The following ARFGAP3 variants were observed in gnomAD, a reference collection of about 807,000 sequenced individuals.
ARFGAP3 encodes ADP-ribosylation factor GTPase-activating protein 3.
In ARFGAP3, 72 loss-of-function variants were observed where a neutral mutation model predicts 75.0. The ratio of observed to expected loss-of-function variants is 0.96; its 90% CI spans 0.79 to 1.17. ARFGAP3 has a LOEUF of 1.17. Ranked by LOEUF, ARFGAP3 falls within the 50% of genes most tolerant of loss-of-function variation. The probability of loss-of-function intolerance (pLI) is 0.00; values close to 1 mark genes in which losing one functional copy is unlikely to be tolerated. For synonymous variants in ARFGAP3, 221 were observed against 217.9 expected, an observed-to-expected ratio of 1.01 and a Z score of -0.13; for missense variants, 620 against 626.6, an observed-to-expected ratio of 0.99 and a Z score of 0.11.
chr22:42,798,752 A>G (rs1358220112), intron 15 of ARFGAP3, among the ~76,000 whole-genome samples: 1 of 152,236 alleles, frequency 6.6e-6, no homozygotes, highest in Non-Finnish European at 1.5e-5. Context: ...GGCATTACAG[A>G]TAATTTCAGT....
intron 3 of ARFGAP3, among the ~76,000 whole-genome samples, chr22:42,837,954 G>A (rs76712051): frequency 0.01 from 1,569 of 151,306 alleles, 10 homozygotes; most frequent in Non-Finnish European, 0.015. Flanking sequence ...TTACAGGTAG[G>A]AGCAACCATG....
intron 5 of ARFGAP3, among the ~76,000 whole-genome samples, chr22:42,833,971 T>C (rs567604173): frequency 2.0e-5 from 3 of 152,322 alleles, no homozygotes; most frequent in African/African-American, 7.2e-5. Flanking sequence ...TGCTTGTCTT[T>C]TTCTCTTAAT....
At chr22:42,855,374 T>A (rs1927450184) in intron 1 of ARFGAP3, among the ~76,000 whole-genome samples, 1 of 152,306 alleles carries the variant, frequency 6.6e-6, no homozygotes, top group African/African-American at 2.4e-5. Context: ...CCACTCTTTA[T>A]AAACACATCA....
At chr22:42,847,294 G>T in intron 2 of ARFGAP3, 1 of 424,902 alleles carries the variant, frequency 2.4e-6, no homozygotes, top group Non-Finnish European at 4.2e-6. Flanking sequence ...AGCCTCCTGA[G>T]TAACTAGGAC....
chr22:42,835,134 T>C (rs1602119124), intron 4 of ARFGAP3, among the ~76,000 whole-genome samples: 1 of 152,238 alleles, frequency 6.6e-6, no homozygotes, highest in South Asian at 2.1e-4. Context: ...CCAGAGCTTA[T>C]AGGAACCTAA....
intron 1 of ARFGAP3, among the ~76,000 whole-genome samples, chr22:42,851,776 A>G (rs954091882): frequency 4.6e-5 from 7 of 152,272 alleles, no homozygotes; most frequent in African/African-American, 1.4e-4. Flanking sequence ...GATGAGCAAG[A>G]AATAGCTTTT....
intron 11 of ARFGAP3, among the ~76,000 whole-genome samples, chr22:42,813,806 C>T (rs113001053): frequency 6.6e-6 from 1 of 152,324 alleles, no homozygotes; most frequent in African/African-American, 2.4e-5. Context: ...GTGAGTGGGA[C>T]GACTAACGGC....
chr22:42,826,400 G>A (rs964849307), intron 7 of ARFGAP3, among the ~76,000 whole-genome samples: 1 of 149,164 alleles, frequency 6.7e-6, no homozygotes. Flanking sequence ...TTTTTTTTGA[G>A]ACAAGGTATC....
chr22:42,807,460 T>C (rs1433745110), intron 13 of ARFGAP3, among the ~76,000 whole-genome samples: 1 of 152,172 alleles, frequency 6.6e-6, no homozygotes, highest in African/African-American at 2.4e-5. Context: ...GTGCTGCTTC[T>C]AGCCAGCTGT....
At chr22:42,857,078 A>C (rs1927538637) in intron 1 of ARFGAP3, 36 bp downstream of exon 1, 2 of 1,485,578 alleles carry the variant, frequency 1.3e-6, no homozygotes, top group African/African-American at 1.5e-5. Context: ...TCCCGCAGGG[A>C]TGCCAGGCAG....
intron 2 of ARFGAP3, among the ~76,000 whole-genome samples, chr22:42,842,233 G>A (rs1315135706): frequency 6.6e-6 from 1 of 150,636 alleles, no homozygotes; most frequent in Admixed American, 6.6e-5. Context: ...TCAAACTCCC[G>A]ACCTTAGGTG....
At chr22:42,821,306 T>C (rs530660091) in intron 9 of ARFGAP3, among the ~76,000 whole-genome samples, 7 of 152,246 alleles carry the variant, frequency 4.6e-5, no homozygotes, top group Admixed American at 6.5e-5. Context: ...TTCACAAAGC[T>C]GTGCCATCAT....
chr22:42,810,838 G>T lies in ARFGAP3; in HGVS notation c.1171C>A (p.Leu391Met). The change falls in exon 12 of 16, where the codon CTG (leucine) becomes ATG (methionine). Residue 391 changes from leucine to methionine, a missense_variant. Leu to Met is a conservative substitution (Grantham distance 15, BLOSUM62 2). Transcript: ENST00000263245. ...CTGTCTGAATAGCCTGTGGTTTTCA[G>T]AACTGTTTCAGTATCTTTGCTGGTC... Reference protein sequence around the residue: ...KETSKDTETVLKTTGYSDRPT... With the variant: ...KETSKDTETVMKTTGYSDRPT... 6.2e-7 allele frequency: 1 copy of T among 1,614,170 alleles called. No homozygotes were observed. Among genetic ancestry groups the T allele is most frequent in the East Asian group, 2.2e-5 (1 of 44,890 alleles).
chr22:42,857,251 C>G lies in ARFGAP3; in HGVS notation c.-69G>C. 6.7e-7 allele frequency: 1 copy of G among 1,483,676 alleles called. No individual in the cohort carries two copies. The allele number at this position is 1,483,676 out of a possible 1,614,324, so 91.9% of individuals were successfully genotyped here. On this transcript the variant is annotated 5_prime_UTR_variant, in exon 1 of 16. Transcript: ENST00000263245. ...AGAGTCGACGAAAAGCGGCTACCGC[C>G]TCAGCAGGAGCGACGAGGCCGCGGG...
intron 11 of ARFGAP3, among the ~76,000 whole-genome samples, 187 bp downstream of exon 11, chr22:42,816,955 C>T (rs1348974174): frequency 1.3e-5 from 2 of 152,166 alleles, no homozygotes; most frequent in Admixed American, 6.5e-5. Flanking sequence ...TAATATTAGC[C>T]AACGTTGTTC....
chr22:42,813,947 AC>A (rs1175011372), intron 11 of ARFGAP3, among the ~76,000 whole-genome samples: 1 of 152,122 alleles, frequency 6.6e-6, no homozygotes, highest in African/African-American at 2.4e-5. Context: ...CTCTGTCTTT[AC>A]CCAATCTTGA....
In ARFGAP3 at chr22:42,823,747, TTTTC is replaced by T. The variant is rs1452929501; in HGVS notation, c.626-49_626-46del. On this transcript the variant is annotated intron_variant, in intron 7 of 15. Coordinates refer to ENST00000263245, the MANE Select transcript of ARFGAP3 (RefSeq NM_014570.5). Reference sequence around the variant, plus strand: ...AAAAAGTAAGACCAATAGAAATAATTTTTCTTTTTTAGTGTGTCTTTTAAAATTC... The same window carrying T: ...AAAAAGTAAGACCAATAGAAATAATTTTTTTTAGTGTGTCTTTTAAAATTC... 5.5e-6 allele frequency: 8 copies of T among 1,456,562 alleles called. No homozygotes were observed. In the African/African-American group the frequency reaches 1.0e-4, roughly 19 times the overall value. The allele number at this position is 1,456,562 out of a possible 1,614,324, so 90.2% of individuals were successfully genotyped here. A position where few individuals can be genotyped will look rare whatever the true frequency, so the allele number is the denominator to read the frequency against.
intron 3 of ARFGAP3, among the ~76,000 whole-genome samples, chr22:42,839,597 C>CCA (rs559955521): frequency 8.9e-6 from 1 of 112,346 alleles, no homozygotes; most frequent in Non-Finnish European, 1.8e-5. Flanking sequence ...AACTCTGTCT[C>CCA]AAAAAAAAAA....
intron 2 of ARFGAP3, among the ~76,000 whole-genome samples, chr22:42,845,777 C>T (rs920133891): frequency 3.9e-5 from 6 of 152,048 alleles, no homozygotes; most frequent in African/African-American, 1.2e-4. Context: ...CAGTGGCTCA[C>T]GCCCGTAATC....
Sources: gnomAD v4.1 joint callset for allele counts (sites outside exome capture counted in the v4.1 genomes callset) on GRCh38, gnomAD v4.1.1 for gene constraint, MANE v1.5 for transcripts, NCBI Gene and HGNC (gene_info 2026-07-23, HGNC 2026-07-21) for gene names.